CHRM3: variants seen among roughly 807,000 people sequenced by gnomAD.
CHRM3 encodes cholinergic receptor muscarinic 3, also known as muscarinic acetylcholine receptor M3.
A neutral mutation model predicts 41.8 loss-of-function variants in CHRM3; 11 were observed. The ratio of observed to expected loss-of-function variants is 0.26; its 90% CI spans 0.17 to 0.44. The LOEUF (loss-of-function observed/expected upper bound fraction) is 0.44, where lower values mean the gene tolerates loss of function less well. Ranked by LOEUF, CHRM3 falls within the 20% of genes least tolerant of loss-of-function variation. The pLI is 1.00. For missense variants in CHRM3, 571 were observed against 745.4 expected (o/e 0.77, Z 2.72); for synonymous variants, 297 against 301.4 (o/e 0.99, Z 0.15).
intron 3 of CHRM3, among the ~76,000 whole-genome samples, chr1:239,623,619 G>T (rs1314567804): frequency 1.3e-5 from 1 of 78,576 alleles, no homozygotes. Context: ...TCTAGCATTA[G>T]GTATATCTCC....
At chr1:239,429,970 A>C (rs1027944716) in intron 1 of CHRM3, among the ~76,000 whole-genome samples, 2 of 132,594 alleles carry the variant, frequency 1.5e-5, no homozygotes, top group Non-Finnish European at 3.2e-5. Context: ...ACACCCAGAC[A>C]ATCTTTTTTT....
chr1:239,826,145 C>A (rs1672441644), intron 5 of CHRM3, among the ~76,000 whole-genome samples: 2 of 152,118 alleles, frequency 1.3e-5, no homozygotes, highest in Admixed American at 6.5e-5. Context: ...TGTGAATATT[C>A]TTAATGCCAC....
chr1:239,895,013 G>T (rs1487319351), intron 6 of CHRM3, among the ~76,000 whole-genome samples: 1 of 152,190 alleles, frequency 6.6e-6, no homozygotes, highest in Non-Finnish European at 1.5e-5. Flanking sequence ...GGGCAGCAAA[G>T]AACAATTACA....
rs2149234385 is a variant in CHRM3, at chr1:239,853,469, T to G, written c.-20+26091T>G. On this transcript the variant is annotated intron_variant, in intron 6 of 6. Coordinates refer to ENST00000676153, the MANE Select transcript of CHRM3 (RefSeq NM_001375978.1). The stretch of plus-strand genomic sequence containing the variant: ...ATTTCTAGCCAAGCATAGTACCAGT[T>G]TTTTTGTTGCTAAATGAAAATATTA... Among the ~76,000 whole-genome samples the G allele has an allele frequency of 1.3e-5, 2 of 152,112 alleles. 1 individual carries two copies. Among genetic ancestry groups the G allele is most frequent in the South Asian group, 4.1e-4 (2 of 4,828 alleles).
chr1:239,753,038 G>A (rs1226880773), intron 5 of CHRM3, among the ~76,000 whole-genome samples: 1 of 151,948 alleles, frequency 6.6e-6, no homozygotes, highest in African/African-American at 2.4e-5. Context: ...GAACTATTTG[G>A]GTAATCTGCC....
intron 1 of CHRM3, among the ~76,000 whole-genome samples, chr1:239,390,256 T>C (rs920681293): frequency 6.6e-6 from 1 of 152,236 alleles, no homozygotes; most frequent in Non-Finnish European, 1.5e-5. Context: ...ATATAGTGTT[T>C]TCCTAGATGC....
rs569933026 is a variant in CHRM3 at position 239,810,613 on chromosome 1, A to G, written c.-146-16639A>G. Among the ~76,000 whole-genome samples, 6 of 152,310 alleles carry G rather than the reference A, an allele frequency of 3.9e-5. No individual in the cohort carries two copies. In the South Asian group the frequency reaches 1.2e-3, roughly 32 times the overall value. On this transcript the variant is annotated intron_variant, in intron 5 of 6. Coordinates refer to ENST00000676153, the MANE Select transcript of CHRM3 (RefSeq NM_001375978.1). ...TTGCCTGAGATTTACTGGAAGTTGCATTTTCCAGTAGCCACCATTGAGGGC... is the reference window on the plus strand; with the variant it reads ...TTGCCTGAGATTTACTGGAAGTTGCGTTTTCCAGTAGCCACCATTGAGGGC...
At chr1:239,752,310 A>G (rs1665897461) in intron 5 of CHRM3, among the ~76,000 whole-genome samples, 2 of 152,206 alleles carry the variant, frequency 1.3e-5, no homozygotes, top group South Asian at 4.1e-4. Context: ...TTAGGCAGCC[A>G]TATGTCCAGC....
chr1:239,668,159 C>T (rs891730872), intron 4 of CHRM3, among the ~76,000 whole-genome samples: 12 of 120,244 alleles, frequency 1.0e-4, no homozygotes, highest in Non-Finnish European at 1.4e-4. Context: ...AGTGCAGTGG[C>T]GTGATCTTGG....
intron 5 of CHRM3, among the ~76,000 whole-genome samples, chr1:239,691,386 GTT>G (rs1659703649): frequency 6.6e-6 from 1 of 151,944 alleles, no homozygotes; most frequent in East Asian, 1.9e-4. Flanking sequence ...CACTCAACAT[GTT>G]GTTAGAACAT....
chr1:239,629,298 G>A (rs1365026539), intron 3 of CHRM3: 2 of 123,528 alleles, frequency 1.6e-5, no homozygotes, highest in South Asian at 2.9e-4. Flanking sequence ...CTTTGACTCG[G>A]AAAGGGAACT....
chr1:239,508,459 T>C (rs1348743945), intron 2 of CHRM3, among the ~76,000 whole-genome samples: 2 of 152,212 alleles, frequency 1.3e-5, no homozygotes, highest in Non-Finnish European at 2.9e-5. Flanking sequence ...GCTTTAATTA[T>C]TTTTGGTTTT....
chr1:239,815,092 T>C (rs988505402), intron 5 of CHRM3, among the ~76,000 whole-genome samples: 5 of 152,154 alleles, frequency 3.3e-5, no homozygotes, highest in African/African-American at 1.2e-4. Context: ...TTGCTTTTCC[T>C]TTTCTTTTCT....
intron 1 of CHRM3, among the ~76,000 whole-genome samples, chr1:239,441,654 T>C (rs966417201): frequency 6.6e-6 from 1 of 152,220 alleles, no homozygotes; most frequent in Non-Finnish European, 1.5e-5. Context: ...AAATGTTAAC[T>C]CATTTCTGAC....
intron 5 of CHRM3, chr1:239,706,595 C>T: frequency 6.6e-6 from 1 of 151,738 alleles, no homozygotes; most frequent in Non-Finnish European, 1.5e-5. Context: ...CACAGGCATG[C>T]ACCCCCACAC....
At chr1:239,553,390 A>C (rs1386471633) in intron 3 of CHRM3, among the ~76,000 whole-genome samples, 1 of 152,108 alleles carries the variant, frequency 6.6e-6, no homozygotes, top group Non-Finnish European at 1.5e-5. Flanking sequence ...CAATGTGCAT[A>C]CAAATGAGAA....
At chr1:239,804,828 A>G (rs2148941484) in intron 5 of CHRM3, among the ~76,000 whole-genome samples, 1 of 152,212 alleles carries the variant, frequency 6.6e-6, no homozygotes, top group Middle Eastern at 3.4e-3. Flanking sequence ...TTGCACTCAT[A>G]TATTTTCCCC....
chr1:239,444,095 T>C (rs1663942175), intron 1 of CHRM3, among the ~76,000 whole-genome samples: 1 of 152,190 alleles, frequency 6.6e-6, no homozygotes, highest in Non-Finnish European at 1.5e-5. Context: ...GTGCCATCTC[T>C]GGGCCTTTCA....
intron 4 of CHRM3, among the ~76,000 whole-genome samples, chr1:239,660,195 T>C (rs10925946): frequency 1 from 151,596 of 152,296 alleles, 75,451 homozygotes; most frequent in East Asian, 1. Context: ...TTTGACCAGG[T>C]TGGTCTCCAA....
Sources: allele counts gnomAD v4.1 joint callset (sites outside exome capture counted in the v4.1 genomes callset), GRCh38; gene constraint gnomAD v4.1.1; transcripts MANE v1.5; gene names NCBI Gene and HGNC (gene_info 2026-07-23, HGNC 2026-07-21).